ABCC2: variants seen among roughly 807,000 people sequenced by gnomAD.
ABCC2 encodes ATP binding cassette subfamily C member 2.
Under a neutral mutation model 173.4 loss-of-function variants are expected in ABCC2, and 157 were observed. The observed-to-expected ratio is 0.91, with a 90% CI of 0.80 to 1.03. The LOEUF (loss-of-function observed/expected upper bound fraction) is 1.03. ABCC2 is among the 50% of genes least tolerant of loss of function. The pLI is 0.00. For synonymous variants in ABCC2, 657 were observed against 693.5 expected, an observed-to-expected ratio of 0.95 and a Z score of 0.83; for missense variants, 1,822 against 1,852.3, an observed-to-expected ratio of 0.98 and a Z score of 0.30.
chr10:99,842,287 A>G (rs1178882836), intron 26 of ABCC2, among the ~76,000 whole-genome samples, 194 bp downstream of exon 26: 1 of 152,214 alleles, frequency 6.6e-6, no homozygotes, highest in Non-Finnish European at 1.5e-5. Flanking sequence ...CATGAATGCC[A>G]TCTAGAAAAC....
At chr10:99,798,759 G>A (rs1020715073) in intron 7 of ABCC2, among the ~76,000 whole-genome samples, 5 of 152,076 alleles carry the variant, frequency 3.3e-5, no homozygotes, top group Non-Finnish European at 7.3e-5. Context: ...ACCTTCTTTC[G>A]AAATAAGGCA....
chr10:99,829,046 T>G (rs1281255613), intron 19 of ABCC2, among the ~76,000 whole-genome samples: 1 of 152,090 alleles, frequency 6.6e-6, no homozygotes, highest in Non-Finnish European at 1.5e-5. Context: ...GCCCCAAGTG[T>G]TATCACCACC....
intron 6 of ABCC2, among the ~76,000 whole-genome samples, chr10:99,795,877 C>T (rs1227089743): frequency 6.6e-6 from 1 of 152,150 alleles, no homozygotes; most frequent in Non-Finnish European, 1.5e-5. Context: ...TGGTGGTTTA[C>T]AACTGTAATC....
intron 1 of ABCC2, among the ~76,000 whole-genome samples, chr10:99,783,360 T>G (rs550485784): frequency 1.3e-5 from 2 of 152,296 alleles, no homozygotes; most frequent in East Asian, 3.9e-4. Flanking sequence ...AAATAATTTT[T>G]GAACAACTAG....
intron 26 of ABCC2, among the ~76,000 whole-genome samples, chr10:99,842,520 G>A (rs542966457): frequency 6.6e-6 from 1 of 152,258 alleles, no homozygotes; most frequent in South Asian, 2.1e-4. Flanking sequence ...AGAACATAGA[G>A]TCTGATAAAA....
chr10:99,818,904 G>A lies in ABCC2; in HGVS notation c.2386G>A (p.Gly796Arg), dbSNP rs1412628623. 2 of 1,614,120 alleles carry A rather than the reference G, an allele frequency of 1.2e-6. No individual in the cohort carries two copies. The highest frequency in any genetic ancestry group is 1.7e-6 in the Non-Finnish European group (2 of 1,180,036). The change falls in exon 18 of 32, where the codon GGA becomes AGA. Residue 796 changes from glycine to arginine, a missense_variant. Coordinates refer to ENST00000647814, the MANE Select transcript of ABCC2 (RefSeq NM_000392.5). ...CCTGTCTGCAGTGGATGCTCATGTA[G>A]GAAAACATATTTTTAATAAGGTCTT... The part of the protein sequence containing the change: ...DPLSAVDAHV[G>R]KHIFNKVLGP...
At chr10:99,844,547 A>C in intron 28 of ABCC2, 82 bp downstream of exon 28, 1 of 1,567,120 alleles carries the variant, frequency 6.4e-7, no homozygotes, top group Non-Finnish European at 8.7e-7. Flanking sequence ...GCTGGGCCCT[A>C]AGCCTTCATC....
intron 16 of ABCC2, among the ~76,000 whole-genome samples, chr10:99,814,710 C>T (rs756897021): frequency 7.8e-4 from 107 of 137,666 alleles, no homozygotes; most frequent in Non-Finnish European, 1.4e-3. Flanking sequence ...TATGTGTATA[C>T]ATGTATATAC....
chr10:99,850,454 A>C, intron 30 of ABCC2, 148 bp from the exon 31 acceptor site: 1 of 752,750 alleles, frequency 1.3e-6, no homozygotes, highest in Non-Finnish European at 2.3e-6. Flanking sequence ...GCAGCAAGGT[A>C]CAGCTAGTTG....
intron 16 of ABCC2, among the ~76,000 whole-genome samples, chr10:99,816,257 C>T (rs1295276871): frequency 3.3e-5 from 5 of 151,728 alleles, no homozygotes; most frequent in Non-Finnish European, 5.9e-5. Flanking sequence ...TGAGCCACCG[C>T]GCCCGGCCTC....
chr10:99,804,675 C>T (rs955952018), intron 10 of ABCC2, among the ~76,000 whole-genome samples: 2 of 152,086 alleles, frequency 1.3e-5, no homozygotes, highest in Non-Finnish European at 1.5e-5. Context: ...GCAATCACCC[C>T]GCTACCACCA....
chr10:99,816,685 C>G (rs1201267982), intron 16 of ABCC2, among the ~76,000 whole-genome samples: 2 of 152,164 alleles, frequency 1.3e-5, no homozygotes, highest in Non-Finnish European at 2.9e-5. Flanking sequence ...CTGTTGGGAA[C>G]CAGGCTACAC....
At chr10:99,825,143 G>A (rs1209454682) in intron 19 of ABCC2, among the ~76,000 whole-genome samples, 64 of 149,978 alleles carry the variant, frequency 4.3e-4, no homozygotes, top group African/African-American at 1.3e-3. Flanking sequence ...TTTTTGACTC[G>A]TGGGGCTATA....
chr10:99,787,482 C>T (rs1327144856), intron 2 of ABCC2, among the ~76,000 whole-genome samples: 2 of 151,880 alleles, frequency 1.3e-5, no homozygotes, highest in African/African-American at 2.4e-5. Context: ...CTCGTTCTGT[C>T]GCCCAGGCAG....
chr10:99,820,792 G>A (rs991583177), intron 19 of ABCC2, among the ~76,000 whole-genome samples: 1 of 152,126 alleles, frequency 6.6e-6, no homozygotes. Flanking sequence ...TAGTAGCGTG[G>A]AGAAAACAAA....
intron 13 of ABCC2, 74 bp from the exon 14 acceptor site, chr10:99,810,060 C>T (rs1423073079): frequency 5.6e-6 from 8 of 1,418,702 alleles, no homozygotes; most frequent in Admixed American, 1.7e-5. Flanking sequence ...CATGGACTAA[C>T]GACAAAGTCA....
intron 13 of ABCC2, among the ~76,000 whole-genome samples, chr10:99,808,806 C>T (rs2038160267): frequency 6.6e-6 from 1 of 152,152 alleles, no homozygotes; most frequent in South Asian, 2.1e-4. Flanking sequence ...GGACAGGCAG[C>T]AGACTGATGA....
rs1327458180 is a variant in ABCC2 at position 99,837,228 on chromosome 10, T to A, written c.3614+938T>A. Reference sequence around the variant, plus strand: ...TCAGCTCACAACAACCTCTGCCTCCTGGGTTCAAGCAATTCTCCTGCCTCA... The same window carrying A: ...TCAGCTCACAACAACCTCTGCCTCCAGGGTTCAAGCAATTCTCCTGCCTCA... On this transcript the variant is annotated intron_variant, in intron 25 of 31. Coordinates refer to ENST00000647814, the MANE Select transcript of ABCC2 (RefSeq NM_000392.5). Among the ~76,000 whole-genome samples, 4 of 138,162 alleles carry A rather than the reference T, an allele frequency of 2.9e-5. No individual in the cohort carries two copies. In the South Asian group the frequency reaches 1.0e-3, roughly 35 times the overall value. 90.6% of individuals were successfully genotyped at this position (138,162 alleles called of 152,430 possible).
chr10:99,786,742 C>T (rs1373765581), intron 2 of ABCC2, among the ~76,000 whole-genome samples: 3 of 152,080 alleles, frequency 2.0e-5, no homozygotes, highest in Non-Finnish European at 2.9e-5. Context: ...TGGTGGCTCA[C>T]GCTTGTAATC....
Sources: gnomAD v4.1 joint callset for allele counts (sites outside exome capture counted in the v4.1 genomes callset) on GRCh38, gnomAD v4.1.1 for gene constraint, MANE v1.5 for transcripts, NCBI Gene and HGNC (gene_info 2026-07-23, HGNC 2026-07-21) for gene names.